The following C2orf66 variants were observed in gnomAD, a reference collection of about 807,000 sequenced individuals.
C2orf66 encodes uncharacterized protein C2orf66.
Under a neutral mutation model 7.0 loss-of-function variants are expected in C2orf66, and 6 were observed. The observed-to-expected ratio is 0.86, with a 90% confidence interval of 0.47 to 1.69. C2orf66 has a LOEUF of 1.69. Ranked by LOEUF, C2orf66 falls within the 40% of genes most tolerant of loss-of-function variation. The probability of loss-of-function intolerance (pLI) is 0.01; values close to 1 mark genes in which losing one functional copy is unlikely to be tolerated. For synonymous variants in C2orf66, 38 were observed against 43.8 expected, an observed-to-expected ratio of 0.87 and a Z score of 0.52; for missense variants, 107 against 112.0, an observed-to-expected ratio of 0.96 and a Z score of 0.20.
the C2orf66 span, among the ~76,000 whole-genome samples, chr2:196,815,286 T>C: frequency 6.6e-6 from 1 of 152,174 alleles, no homozygotes; most frequent in South Asian, 2.1e-4. Flanking sequence ...TGATTTTAAA[T>C]TTCTTTTTTA....
At chr2:196,822,502 A>G in the C2orf66 span, among the ~76,000 whole-genome samples, 3 of 152,214 alleles carry the variant, frequency 2.0e-5, no homozygotes, top group African/African-American at 7.2e-5. Context: ...TACATTCTCA[A>G]TTAGAAAACT....
At chr2:196,808,215 G>T (rs1457969970) in intron 1 of C2orf66, among the ~76,000 whole-genome samples, 1 of 152,174 alleles carries the variant, frequency 6.6e-6, no homozygotes, top group Non-Finnish European at 1.5e-5. Flanking sequence ...CTAATTCATA[G>T]GTAGTGCACC....
the C2orf66 span, among the ~76,000 whole-genome samples, chr2:196,830,197 T>TA: frequency 6.6e-6 from 1 of 152,192 alleles, no homozygotes; most frequent in African/African-American, 2.4e-5. Flanking sequence ...CTCTATTGAC[T>TA]AAGGGAATGT....
In C2orf66 at chr2:196,807,410, G is replaced by A; in HGVS notation, c.*19+14C>T. The A allele has an allele frequency of 2.0e-6, 3 of 1,536,272 alleles. No homozygotes were observed. Among genetic ancestry groups the A allele is most frequent in the Non-Finnish European group, 2.7e-6 (3 of 1,125,616 alleles). ...TATGTTTGGACAGATCCAGAATAAA[G>A]GGCCAACTTTTACCTGAGCTCAGAA... On this transcript the variant is annotated intron_variant, in intron 2 of 2. Transcript: ENST00000342506.
At chr2:196,817,986 G>T in the C2orf66 span, among the ~76,000 whole-genome samples, 1 of 152,158 alleles carries the variant, frequency 6.6e-6, no homozygotes, top group African/African-American at 2.4e-5. Context: ...CAGTCAATTT[G>T]TACAGTTAAC....
the C2orf66 span, among the ~76,000 whole-genome samples, chr2:196,821,382 C>G: frequency 5.0e-3 from 760 of 152,272 alleles, 4 homozygotes; most frequent in African/African-American, 0.017. Flanking sequence ...AGACATCAGG[C>G]CAATCACGGA....
chr2:196,816,252 G>C, the C2orf66 span, among the ~76,000 whole-genome samples: 4 of 152,178 alleles, frequency 2.6e-5, no homozygotes, highest in South Asian at 4.1e-4. Context: ...GGTGAGGGTA[G>C]GTGCAGAAAC....
chr2:196,823,222 A>C, the C2orf66 span, among the ~76,000 whole-genome samples: 8 of 152,220 alleles, frequency 5.3e-5, no homozygotes, highest in Non-Finnish European at 8.8e-5. Context: ...GTAGTAGGCA[A>C]GTAAGAAGTT....
chr2:196,820,914 AC>A, the C2orf66 span, among the ~76,000 whole-genome samples: 2 of 152,318 alleles, frequency 1.3e-5, no homozygotes, highest in South Asian at 4.1e-4. Flanking sequence ...TGTAAATGTT[AC>A]CTTATTTGGA....
chr2:196,806,617 G>A (rs866266499), intron 2 of C2orf66, among the ~76,000 whole-genome samples: 73 of 151,828 alleles, frequency 4.8e-4, no homozygotes, highest in Admixed American at 2.4e-3. Context: ...TTGGGAGGCT[G>A]AGGCAGGTGG....
chr2:196,811,263 G>A (rs981991938), upstream of C2orf66, among the ~76,000 whole-genome samples: 3 of 152,214 alleles, frequency 2.0e-5, no homozygotes, highest in Non-Finnish European at 4.4e-5. Context: ...TGATTAAAGG[G>A]TTTTAGGCAT....
the C2orf66 span, among the ~76,000 whole-genome samples, chr2:196,815,267 C>G: frequency 1.8e-4 from 27 of 152,138 alleles, no homozygotes; most frequent in African/African-American, 6.3e-4. Context: ...CCATGCCTGG[C>G]CAGTTTCTTG....
At chr2:196,823,649 A>G in the C2orf66 span, among the ~76,000 whole-genome samples, 1 of 151,874 alleles carries the variant, frequency 6.6e-6, no homozygotes, top group Non-Finnish European at 1.5e-5. Flanking sequence ...ACAAAACAAA[A>G]CAAGAAAACC....
chr2:196,818,531 TA>T, the C2orf66 span, among the ~76,000 whole-genome samples: 1 of 152,204 alleles, frequency 6.6e-6, no homozygotes, highest in Non-Finnish European at 1.5e-5. Flanking sequence ...TGCATCCCTT[TA>T]AATCCTGCCC....
upstream of C2orf66, among the ~76,000 whole-genome samples, chr2:196,811,422 C>A (rs1339751983): frequency 6.6e-6 from 1 of 151,852 alleles, no homozygotes; most frequent in South Asian, 2.1e-4. Context: ...TGGATTAGGG[C>A]GATGTTAGCA....
At chr2:196,826,921 C>G in the C2orf66 span, among the ~76,000 whole-genome samples, 1 of 151,982 alleles carries the variant, frequency 6.6e-6, no homozygotes, top group Admixed American at 6.6e-5. Flanking sequence ...GTCCCAGCTA[C>G]TCAGGAGGCT....
At chr2:196,812,942 A>G (rs561773099), upstream of C2orf66, among the ~76,000 whole-genome samples, 1 of 152,326 alleles carries the variant, frequency 6.6e-6, no homozygotes, top group African/African-American at 2.4e-5. Flanking sequence ...GACACAAACA[A>G]ATGGAAAAAC....
At chr2:196,813,129 G>GA (rs534029815), upstream of C2orf66, among the ~76,000 whole-genome samples, 14 of 149,930 alleles carry the variant, frequency 9.3e-5, no homozygotes, top group African/African-American at 2.7e-4. Context: ...CCAAAAAGAA[G>GA]AAAAAAAAGA....
At chr2:196,812,122 G>T (rs1466946655), upstream of C2orf66, among the ~76,000 whole-genome samples, 2 of 152,190 alleles carry the variant, frequency 1.3e-5, no homozygotes, top group African/African-American at 4.8e-5. Flanking sequence ...AAGTGTTGTA[G>T]TTGTTAAAAT....
Sources: allele counts gnomAD v4.1 joint callset (sites outside exome capture counted in the v4.1 genomes callset), GRCh38; gene constraint gnomAD v4.1.1; transcripts MANE v1.5; gene names NCBI Gene and HGNC (gene_info 2026-07-23, HGNC 2026-07-21).